The following AHCYL2 variants were observed in gnomAD, a reference collection of about 807,000 sequenced individuals.
AHCYL2 encodes the protein S-adenosylhomocysteine hydrolase-like protein 2.
Under a neutral mutation model 81.4 loss-of-function variants are expected in AHCYL2, and 28 were observed. That is an observed-to-expected ratio of 0.34 (90% confidence interval 0.25 to 0.47). AHCYL2 has a LOEUF of 0.47. Ranked by LOEUF, AHCYL2 falls within the 20% of genes least tolerant of loss-of-function variation. AHCYL2 has a pLI of 1.00. For synonymous variants in AHCYL2, 272 were observed against 290.2 expected, an observed-to-expected ratio of 0.94 and a Z score of 0.64; for missense variants, 551 against 785.1, an observed-to-expected ratio of 0.70 and a Z score of 3.56.
At chr7:129,237,937 G>A (rs1794698898) in intron 1 of AHCYL2, among the ~76,000 whole-genome samples, 1 of 152,046 alleles carries the variant, frequency 6.6e-6, no homozygotes, top group African/African-American at 2.4e-5. Flanking sequence ...GGCCAGGCTG[G>A]TCTTGAACTC....
intron 1 of AHCYL2, among the ~76,000 whole-genome samples, chr7:129,251,900 T>C (rs1352635505): frequency 6.6e-6 from 1 of 152,208 alleles, no homozygotes. Flanking sequence ...CATTTTATGG[T>C]TTCTAGAATC....
intron 1 of AHCYL2, among the ~76,000 whole-genome samples, chr7:129,235,792 G>A (rs1171702928): frequency 6.6e-6 from 1 of 152,126 alleles, no homozygotes; most frequent in Non-Finnish European, 1.5e-5. Context: ...TTCTGTATCA[G>A]TACCTATAGA....
chr7:129,389,257 A>G, intron 3 of AHCYL2, 58 bp downstream of exon 3: 1 of 1,603,016 alleles, frequency 6.2e-7, no homozygotes, highest in Non-Finnish European at 8.5e-7. Context: ...TGTCCATATT[A>G]ATCCCTTTTT....
intron 1 of AHCYL2, among the ~76,000 whole-genome samples, chr7:129,275,413 A>C (rs888671825): frequency 5.3e-5 from 8 of 152,194 alleles, no homozygotes; most frequent in Non-Finnish European, 1.2e-4. Flanking sequence ...AAAAAATAAA[A>C]AAATAAAAAA....
intron 1 of AHCYL2, among the ~76,000 whole-genome samples, chr7:129,243,322 C>T (rs563627989): frequency 1.3e-5 from 2 of 151,878 alleles, no homozygotes; most frequent in South Asian, 2.1e-4. Context: ...CATGCCCAGC[C>T]GACTATATTG....
At chr7:129,418,526 C>T (rs556713849) in intron 12 of AHCYL2, among the ~76,000 whole-genome samples, 4 of 152,248 alleles carry the variant, frequency 2.6e-5, no homozygotes, top group Admixed American at 1.3e-4. Flanking sequence ...GTCTCGATCT[C>T]CTGACTTCGT....
At chr7:129,265,325 C>A (rs548454264) in intron 1 of AHCYL2, among the ~76,000 whole-genome samples, 1 of 152,142 alleles carries the variant, frequency 6.6e-6, no homozygotes, top group African/African-American at 2.4e-5. Flanking sequence ...CAACAACTTC[C>A]GCTTCCATTT....
At chr7:129,300,185 A>G (rs949030888) in intron 1 of AHCYL2, among the ~76,000 whole-genome samples, 6 of 152,120 alleles carry the variant, frequency 3.9e-5, no homozygotes, top group African/African-American at 9.7e-5. Context: ...GTACAATTAA[A>G]TTATTATTGA....
At chr7:129,245,624 T>G (rs1795027000) in intron 1 of AHCYL2, among the ~76,000 whole-genome samples, 1 of 152,234 alleles carries the variant, frequency 6.6e-6, no homozygotes, top group Non-Finnish European at 1.5e-5. Context: ...TATGTCTGGC[T>G]TATTTCACTT....
chr7:129,323,147 T>C (rs1429812693), intron 1 of AHCYL2, among the ~76,000 whole-genome samples: 2 of 152,150 alleles, frequency 1.3e-5, no homozygotes, highest in African/African-American at 2.4e-5. Context: ...TGATTCTTTT[T>C]CTAGTTTCTT....
intron 15 of AHCYL2, among the ~76,000 whole-genome samples, chr7:129,425,576 G>A (rs918689773): frequency 6.6e-6 from 1 of 152,180 alleles, no homozygotes; most frequent in Non-Finnish European, 1.5e-5. Context: ...ACCAATCCCA[G>A]TGCTTCAGGC....
Position 129,368,461 on chromosome 7 carries a change from T to C in AHCYL2, c.364-11177T>C. On this transcript the variant is annotated intron_variant, in intron 1 of 16. Coordinates refer to ENST00000325006, the MANE Select transcript of AHCYL2 (RefSeq NM_015328.4). This position sits in a 1 kb window ranked among gnomAD's most constrained non-coding sequence, Gnocchi z 4.4. ...AGTATTTCCAAACCAGCTTTCCCTT[T>C]TGCTTCAGGACATATCTTACCCAAG... The C allele has an allele frequency of 1.9e-6, 3 of 1,613,926 alleles. No individual in the cohort carries two copies. The highest frequency in any genetic ancestry group is 2.5e-6 in the Non-Finnish European group (3 of 1,179,840).
chr7:129,273,270 G>A (rs1325048009), intron 1 of AHCYL2, among the ~76,000 whole-genome samples: 1 of 149,300 alleles, frequency 6.7e-6, no homozygotes, highest in South Asian at 2.1e-4. Flanking sequence ...AATAAAATAT[G>A]GCCTCAAAGT....
intron 4 of AHCYL2, among the ~76,000 whole-genome samples, chr7:129,392,347 A>G (rs2150910659): frequency 6.6e-6 from 1 of 152,352 alleles, no homozygotes; most frequent in East Asian, 1.9e-4. Context: ...GAAGTCCAAG[A>G]TCAAGGCGCC....
At chr7:129,379,784 G>A in intron 2 of AHCYL2, 35 bp downstream of exon 2, 1 of 1,555,020 alleles carries the variant, frequency 6.4e-7, no homozygotes, top group South Asian at 1.1e-5. Flanking sequence ...CAGCTGTTGA[G>A]GCTAATAAGT....
At chr7:129,352,304 T>A (rs1177086686) in intron 1 of AHCYL2, among the ~76,000 whole-genome samples, 1 of 152,190 alleles carries the variant, frequency 6.6e-6, no homozygotes, top group African/African-American at 2.4e-5. Context: ...ATGATAAAAT[T>A]CAAGCTTTCA....
intron 1 of AHCYL2, among the ~76,000 whole-genome samples, chr7:129,350,529 G>A (rs1793521763): frequency 6.6e-6 from 1 of 151,616 alleles, no homozygotes; most frequent in Admixed American, 6.6e-5. Flanking sequence ...GACTACAGGT[G>A]CATTGTGCCA....
At chr7:129,284,701 G>T (rs1410176707) in intron 1 of AHCYL2, among the ~76,000 whole-genome samples, 1 of 151,778 alleles carries the variant, frequency 6.6e-6, no homozygotes, top group Non-Finnish European at 1.5e-5. Flanking sequence ...ATCTCTTGGA[G>T]AATTCTAGCT....
At chr7:129,377,972 T>C (rs979202647) in intron 1 of AHCYL2, among the ~76,000 whole-genome samples, 2 of 152,212 alleles carry the variant, frequency 1.3e-5, no homozygotes, top group African/African-American at 4.8e-5. Flanking sequence ...TGATCAATCT[T>C]ACTGCTTTTA....
Sources: gnomAD v4.1 joint callset for allele counts (sites outside exome capture counted in the v4.1 genomes callset) on GRCh38, gnomAD v4.1.1 for gene constraint, Gnocchi (gnomAD v3.1) non-coding constraint, MANE v1.5 for transcripts, NCBI Gene and HGNC (gene_info 2026-07-23, HGNC 2026-07-21) for gene names.